Variants in CHRM2 observed in about 807,000 individuals in gnomAD.
The protein encoded by CHRM2 is muscarinic acetylcholine receptor M2.
A neutral mutation model predicts 25.0 loss-of-function variants in CHRM2; 8 were observed. The observed-to-expected ratio is 0.32, with a 90% CI of 0.19 to 0.58. CHRM2 has a LOEUF of 0.58. CHRM2 is among the 20% of genes least tolerant of loss of function. CHRM2 has a pLI of 0.88. For synonymous variants in CHRM2, 202 were observed against 205.7 expected (o/e 0.98, Z 0.15); for missense variants, 440 against 567.1 (o/e 0.78, Z 2.28).
At chr7:136,887,182 A>G (rs563407022) in intron 2 of CHRM2, among the ~76,000 whole-genome samples, 80 of 152,340 alleles carry the variant, frequency 5.3e-4, no homozygotes, top group African/African-American at 1.8e-3. Context: ...AATTTATTCT[A>G]CTATACTAAC....
At chr7:136,935,199 ACTGTACTC>A in intron 2 of CHRM2, among the ~76,000 whole-genome samples, 1 of 118,714 alleles carries the variant, frequency 8.4e-6, no homozygotes, top group Non-Finnish European at 1.8e-5. Context: ...TAATTAATGC[ACTGTACTC>A]CTGTTCAGGG....
intron 2 of CHRM2, among the ~76,000 whole-genome samples, chr7:136,957,695 C>T (rs967023415): frequency 2.0e-5 from 3 of 152,044 alleles, no homozygotes; most frequent in African/African-American, 7.2e-5. Context: ...GTGTATTCAC[C>T]CCTCAGTTTA....
rs1227972027 is a variant in CHRM2, at chr7:137,016,008, G to T, written c.1143G>T (p.Arg381=). The change falls in exon 4 of 4, where the codon CGG becomes CGT. Residue 381 remains arginine, a synonymous_variant. Coordinates refer to ENST00000680005, the MANE Select transcript of CHRM2 (RefSeq NM_001006630.2). ...CAAAAAAGAAGCCTCCTCCTTCCCG[G>T]GAAAAGAAAGTCACCAGGACAATCT... ...QPAKKKPPPS[R]EKKVTRTILA... The T allele has an allele frequency of 6.2e-7, 1 of 1,612,936 alleles. No homozygotes were observed. The highest frequency in any genetic ancestry group is 1.3e-5 in the African/African-American group (1 of 74,802).
rs1799931111 is a variant in CHRM2, at chr7:136,944,171, G to T, written c.-124-48016G>T. ...TAATTTCTTTAGTGGTGATTTCTAAGATTTTGGTGCACCCAATACCCAAGC... is the reference window on the plus strand; with the variant it reads ...TAATTTCTTTAGTGGTGATTTCTAATATTTTGGTGCACCCAATACCCAAGC... On this transcript the variant is annotated intron_variant, in intron 2 of 3. Coordinates refer to ENST00000680005, the MANE Select transcript of CHRM2 (RefSeq NM_001006630.2). Among the ~76,000 whole-genome samples the T allele has an allele frequency of 2.0e-5, 3 of 152,050 alleles. No homozygotes were observed. In the South Asian group the frequency reaches 6.2e-4, roughly 32 times the overall value.
At chr7:136,961,972 G>A (rs1485457273) in intron 2 of CHRM2, among the ~76,000 whole-genome samples, 1 of 151,240 alleles carries the variant, frequency 6.6e-6, no homozygotes, top group African/African-American at 2.4e-5. Flanking sequence ...GGAGTTCAGT[G>A]TTTTGAGGGC....
intron 2 of CHRM2, among the ~76,000 whole-genome samples, chr7:136,939,386 T>C (rs7782965): frequency 0.67 from 102,600 of 152,126 alleles, 35,336 homozygotes; most frequent in African/African-American, 0.77. Flanking sequence ...CCAGTTCTAA[T>C]GCCCCTTTTG....
rs1357888437 is a variant in CHRM2 at position 137,016,972 on chromosome 7, A to T, written c.*706A>T. On this transcript the variant is annotated 3_prime_UTR_variant, in exon 4 of 4. Coordinates refer to ENST00000680005, the MANE Select transcript of CHRM2 (RefSeq NM_001006630.2). ...ATTGTTTATAGGGAAAACCTACAGG[A>T]CTTTCACTAAAGCTAGCCAGAGACA... The T allele has an allele frequency of 6.0e-6, 1 of 166,196 alleles. No individual in the cohort carries two copies. 10.3% of individuals were successfully genotyped at this position (166,196 alleles called of 1,614,324 possible).
chr7:136,900,382 A>AT (rs1490577080), intron 2 of CHRM2, among the ~76,000 whole-genome samples: 73 of 152,130 alleles, frequency 4.8e-4, no homozygotes, highest in African/African-American at 1.8e-3. Flanking sequence ...AACCAGACTG[A>AT]TTTTGCCCTG....
intron 3 of CHRM2, among the ~76,000 whole-genome samples, chr7:136,996,047 G>C (rs959001097): frequency 4.0e-5 from 6 of 151,800 alleles, no homozygotes; most frequent in Non-Finnish European, 8.8e-5. Flanking sequence ...ATAAATGGTA[G>C]AACCACATTT....
chr7:136,910,050 T>C (rs1482457700), intron 2 of CHRM2, among the ~76,000 whole-genome samples: 1 of 151,798 alleles, frequency 6.6e-6, no homozygotes, highest in Non-Finnish European at 1.5e-5. Flanking sequence ...CAAATGTGAT[T>C]TTTAGCCAAG....
chr7:136,870,904 CTTCTT>C (rs1189708056), intron 2 of CHRM2: 2 of 152,420 alleles, frequency 1.3e-5, no homozygotes, highest in Non-Finnish European at 2.9e-5. Context: ...ATTTCCCTGT[CTTCTT>C]TTCTTTTTTG....
At chr7:136,890,139 A>G (rs889941905) in intron 2 of CHRM2, among the ~76,000 whole-genome samples, 1 of 152,222 alleles carries the variant, frequency 6.6e-6, no homozygotes, top group Non-Finnish European at 1.5e-5. Flanking sequence ...AACTGAGACA[A>G]TACATTTCTA....
At chr7:136,894,125 C>A (rs1372815544) in intron 2 of CHRM2, among the ~76,000 whole-genome samples, 2 of 152,022 alleles carry the variant, frequency 1.3e-5, no homozygotes, top group African/African-American at 2.4e-5. Flanking sequence ...GCATATTAAT[C>A]ATCATATAAA....
intron 3 of CHRM2, among the ~76,000 whole-genome samples, chr7:137,012,704 C>T (rs1804902722): frequency 6.6e-6 from 1 of 151,814 alleles, no homozygotes; most frequent in South Asian, 2.1e-4. Flanking sequence ...TAATATATCT[C>T]GGGATTTTTT....
intron 2 of CHRM2, among the ~76,000 whole-genome samples, chr7:136,891,188 C>T (rs1346852859): frequency 6.6e-6 from 1 of 152,196 alleles, no homozygotes; most frequent in Non-Finnish European, 1.5e-5. Flanking sequence ...GAAACATTAA[C>T]TAAAGTTCAA....
At chr7:136,945,762 C>T (rs1325494643) in intron 2 of CHRM2, among the ~76,000 whole-genome samples, 2 of 152,066 alleles carry the variant, frequency 1.3e-5, no homozygotes, top group South Asian at 2.1e-4. Context: ...ATTCTCACCT[C>T]AATTTTTAAG....
At position 136,994,136 on chromosome 7, in the gene CHRM2, T is replaced by C. The variant is rs531703932; in HGVS notation, c.-47+1872T>C. On this transcript the variant is annotated intron_variant, in intron 3 of 3. Transcript: ENST00000680005. The stretch of plus-strand genomic sequence containing the variant: ...GTACCTGCTCTCATGCTCCAACCCC[T>C]TTCCTGACCTCCACATCACAAACTG... Among the ~76,000 whole-genome samples, 3 of 152,262 alleles carry C rather than the reference T, an allele frequency of 2.0e-5. No homozygotes were observed. The South Asian group carries it at 6.2e-4, about 32-fold the overall frequency.
intron 2 of CHRM2, among the ~76,000 whole-genome samples, chr7:136,979,150 G>A (rs1426690245): frequency 6.6e-6 from 1 of 152,158 alleles, no homozygotes; most frequent in African/African-American, 2.4e-5. Flanking sequence ...ATTCTAGCTG[G>A]CATGACAGGG....
intron 2 of CHRM2, among the ~76,000 whole-genome samples, chr7:136,968,074 T>C (rs748341575): frequency 6.6e-6 from 1 of 152,106 alleles, no homozygotes; most frequent in East Asian, 1.9e-4. Context: ...TGATTGTATG[T>C]ATTTATGTCA....
Sources: allele counts gnomAD v4.1 joint callset (sites outside exome capture counted in the v4.1 genomes callset), GRCh38; gene constraint gnomAD v4.1.1; transcripts MANE v1.5; gene names NCBI Gene and HGNC (gene_info 2026-07-23, HGNC 2026-07-21).